Variants in ADGRL2 observed in about 807,000 individuals in gnomAD.
The protein encoded by ADGRL2 is calcium-independent alpha-latrotoxin receptor 2.
Under a neutral mutation model 157.4 loss-of-function variants are expected in ADGRL2, and 44 were observed. The observed-to-expected ratio is 0.28, with a 90% confidence interval of 0.22 to 0.36. The LOEUF (loss-of-function observed/expected upper bound fraction) is 0.36, where lower values mean the gene tolerates loss of function less well. ADGRL2 is among the 10% of genes least tolerant of loss of function. The probability of loss-of-function intolerance (pLI) is 1.00; values close to 1 mark genes in which losing one functional copy is unlikely to be tolerated. For synonymous variants in ADGRL2, 585 were observed against 624.7 expected, an observed-to-expected ratio of 0.94 and a Z score of 0.95; for missense variants, 1,510 against 1,768.9, an observed-to-expected ratio of 0.85 and a Z score of 2.63.
chr1:81,868,015 C>A (rs1377766849), intron 2 of ADGRL2, among the ~76,000 whole-genome samples: 1 of 150,900 alleles, frequency 6.6e-6, no homozygotes, highest in African/African-American at 2.4e-5. Context: ...CCATTGTAAT[C>A]CACTTAATAA....
chr1:81,829,811 A>T (rs2091807496), intron 1 of ADGRL2, among the ~76,000 whole-genome samples: 1 of 152,192 alleles, frequency 6.6e-6, no homozygotes, highest in South Asian at 2.1e-4. Context: ...AAATGATTGA[A>T]TCATAGATTT....
At chr1:81,385,766 G>A (rs189805708) in intron 1 of ADGRL2, among the ~76,000 whole-genome samples, 3 of 151,964 alleles carry the variant, frequency 2.0e-5, no homozygotes, top group African/African-American at 4.8e-5. Context: ...AACTAAAGAC[G>A]CTCTGCAATA....
Position 81,979,879 on chromosome 1 carries a change from T to C in ADGRL2, c.3032T>C (p.Ile1011Thr), listed in dbSNP as rs1477082325. ...TATTTGTTACAACAGCTAAATATTA[T>C]CTTCTTGGTGATCACATTGTGCAAA... ...PVTFIILLNIIFLVITLCKMV... is the reference protein window; with the variant it reads ...PVTFIILLNITFLVITLCKMV... Residue 1011 changes from isoleucine to threonine, a missense_variant, in exon 18 of 24, where the codon ATC (isoleucine) becomes ACC (threonine). By Grantham distance (89) the Ile-to-Thr change is moderately conservative. Coordinates refer to ENST00000686636, the MANE Select transcript of ADGRL2 (RefSeq NM_001366006.2). 6.3e-7 allele frequency: 1 copy of C among 1,595,012 alleles called. No individual in the cohort carries two copies. The highest frequency in any genetic ancestry group is 8.6e-7 in the Non-Finnish European group (1 of 1,164,006).
At chr1:81,833,551 A>C (rs2092090942) in intron 1 of ADGRL2, among the ~76,000 whole-genome samples, 2 of 152,216 alleles carry the variant, frequency 1.3e-5, no homozygotes, top group Admixed American at 6.6e-5. Context: ...CTTATTAATA[A>C]ACATTTTATT....
chr1:81,567,873 T>C (rs1262794318), intron 2 of ADGRL2, among the ~76,000 whole-genome samples: 1 of 152,132 alleles, frequency 6.6e-6, no homozygotes, highest in Non-Finnish European at 1.5e-5. Flanking sequence ...TCCAATAGTT[T>C]ATTCCTGCAA....
intron 1 of ADGRL2, among the ~76,000 whole-genome samples, chr1:81,394,961 C>A (rs913938125): frequency 6.6e-6 from 1 of 151,822 alleles, no homozygotes; most frequent in East Asian, 1.9e-4. Context: ...TGCAGTGTCA[C>A]GATCTCAGCT....
intron 3 of ADGRL2, chr1:81,588,239 G>T (rs1273048381): frequency 6.6e-6 from 1 of 152,156 alleles, no homozygotes; most frequent in Non-Finnish European, 1.5e-5. Flanking sequence ...GCTTGGTTCG[G>T]CTGAGGGCTA....
intron 1 of ADGRL2, among the ~76,000 whole-genome samples, chr1:81,802,592 G>T (rs2088410242): frequency 6.6e-6 from 1 of 152,076 alleles, no homozygotes; most frequent in Non-Finnish European, 1.5e-5. Flanking sequence ...TAAAAGCTTG[G>T]GGTCGCAAGG....
intron 2 of ADGRL2, among the ~76,000 whole-genome samples, chr1:81,838,414 T>A (rs2092393292): frequency 1.3e-5 from 2 of 152,116 alleles, no homozygotes; most frequent in Admixed American, 6.6e-5. Flanking sequence ...CAGATGACAT[T>A]GCTCTTTGCT....
intron 3 of ADGRL2, among the ~76,000 whole-genome samples, chr1:81,923,352 CAT>C (rs1238996320): frequency 6.6e-6 from 1 of 152,084 alleles, no homozygotes; most frequent in African/African-American, 2.4e-5. Context: ...TGAAATTTGT[CAT>C]ATATTTATCA....
chr1:81,412,623 T>C (rs545220588), intron 1 of ADGRL2, among the ~76,000 whole-genome samples: 2 of 152,332 alleles, frequency 1.3e-5, no homozygotes, highest in South Asian at 4.1e-4. Context: ...CTATCACTAG[T>C]AATATTACTT....
chr1:81,401,453 C>A (rs1335425873), intron 1 of ADGRL2, among the ~76,000 whole-genome samples: 1 of 152,096 alleles, frequency 6.6e-6, no homozygotes, highest in Non-Finnish European at 1.5e-5. Flanking sequence ...AGGCCAGGTA[C>A]TTCCTTCTGT....
At chr1:81,987,235 A>G (rs1037835043) in intron 22 of ADGRL2, 24 of 1,455,736 alleles carry the variant, frequency 1.6e-5, no homozygotes, top group Non-Finnish European at 1.9e-5. Flanking sequence ...AGTATTTACA[A>G]TAATGATCCA....
intron 1 of ADGRL2, among the ~76,000 whole-genome samples, chr1:81,387,691 G>A (rs963187743): frequency 5.9e-5 from 9 of 151,952 alleles, no homozygotes; most frequent in African/African-American, 2.2e-4. Context: ...CTGTGGTTTC[G>A]GCTGTCTGCA....
rs538221284 is a variant in ADGRL2, at chr1:81,979,820, T to C, written c.3022-49T>C. 2.8e-6 allele frequency: 3 copies of C among 1,071,296 alleles called. No homozygotes were observed. The South Asian group carries it at 3.9e-5, about 14-fold the overall frequency. The allele number at this position is 1,071,296 out of a possible 1,614,324, so 66.4% of individuals were successfully genotyped here. A position where few individuals can be genotyped will look rare whatever the true frequency, so the allele number is the denominator to read the frequency against. On this transcript the variant is annotated intron_variant, in intron 17 of 23. Transcript: ENST00000686636. The stretch of plus-strand genomic sequence containing the variant: ...CGATACATTTGCAAGAACTATTCAT[T>C]TTTCAGCTCTTTGTTCATTGTGGTC...
intron 1 of ADGRL2, among the ~76,000 whole-genome samples, chr1:81,443,466 T>C (rs1432252391): frequency 6.6e-6 from 1 of 151,942 alleles, no homozygotes. Context: ...CACTGAGTGA[T>C]ATTTCTCATA....
intron 1 of ADGRL2, among the ~76,000 whole-genome samples, chr1:81,333,870 G>A (rs1661449766): frequency 6.6e-6 from 1 of 152,156 alleles, no homozygotes; most frequent in Non-Finnish European, 1.5e-5. Flanking sequence ...TGCAGTGGTG[G>A]TGGCATGGTT....
At chr1:81,969,420 C>A (rs1558022018) in intron 15 of ADGRL2, 33 bp downstream of exon 15, 1 of 1,466,002 alleles carries the variant, frequency 6.8e-7, no homozygotes, top group Non-Finnish European at 9.5e-7. Context: ...GACCTTAGAT[C>A]TCTGAAAATT....
Position 81,731,677 on chromosome 1 carries a change from T to C in ADGRL2, c.-142-30134T>C, listed in dbSNP as rs548404019. 2.0e-5 allele frequency among the ~76,000 whole-genome samples: 3 copies of C among 151,922 alleles called. No individual in the cohort carries two copies. In the East Asian group the frequency reaches 5.8e-4, roughly 29 times the overall value. The stretch of plus-strand genomic sequence containing the variant: ...TGCTTTGCTTCAGCCTGATGCAACA[T>C]GGCCTGTTTGTTTTTTTAAATTTTG... On this transcript the variant is annotated intron_variant, in intron 1 of 20. Transcript: ENST00000359929.
Sources: gnomAD v4.1 joint callset for allele counts (sites outside exome capture counted in the v4.1 genomes callset) on GRCh38, gnomAD v4.1.1 for gene constraint, MANE v1.5 for transcripts, NCBI Gene and HGNC (gene_info 2026-07-23, HGNC 2026-07-21) for gene names.